Variants in SLIT1 observed in about 807,000 individuals in gnomAD.
SLIT1 encodes the protein slit guidance ligand 1.
A neutral mutation model predicts 186.1 loss-of-function variants in SLIT1; 66 were observed. That is an observed-to-expected ratio of 0.35 (90% CI 0.29 to 0.44). SLIT1 has a LOEUF of 0.44. SLIT1 is among the 20% of genes least tolerant of loss of function. The pLI is 1.00. For missense variants in SLIT1, 1,638 were observed against 2,037.4 expected, an observed-to-expected ratio of 0.80 and a Z score of 3.77; for synonymous variants, 761 against 833.8, an observed-to-expected ratio of 0.91 and a Z score of 1.50.
chr10:97,009,494 A>G (rs1217994661), intron 31 of SLIT1, among the ~76,000 whole-genome samples: 1 of 152,210 alleles, frequency 6.6e-6, no homozygotes, highest in African/African-American at 2.4e-5. Flanking sequence ...AAAATGGATC[A>G]ATGACCTAAA....
intron 23 of SLIT1, among the ~76,000 whole-genome samples, chr10:97,033,562 A>G (rs1380681658): frequency 6.6e-6 from 1 of 152,214 alleles, no homozygotes; most frequent in Non-Finnish European, 1.5e-5. Context: ...CTCCAAAGGA[A>G]CATTACCTAG....
intron 4 of SLIT1, among the ~76,000 whole-genome samples, chr10:97,109,797 C>T (rs1233580073): frequency 3.3e-5 from 5 of 152,118 alleles, no homozygotes; most frequent in East Asian, 3.9e-4. Flanking sequence ...GAAACATCGC[C>T]GACAAACCTC....
At position 97,182,006 on chromosome 10, in the gene SLIT1, T is replaced by C. The variant is rs996358137; in HGVS notation, c.197+3472A>G. Among the ~76,000 whole-genome samples, 5 of 152,128 alleles carry C rather than the reference T, an allele frequency of 3.3e-5. No individual in the cohort carries two copies. The South Asian group carries it at 8.3e-4, about 25-fold the overall frequency. On this transcript the variant is annotated intron_variant, in intron 1 of 36. Coordinates refer to ENST00000266058, the MANE Select transcript of SLIT1 (RefSeq NM_003061.3). ...TAACTTAATGGTGACCATGGCTGGG[T>C]CTCTCTGCGCCTGGGCAGTACAAAG...
chr10:97,159,707 C>T (rs1850000879), intron 3 of SLIT1, among the ~76,000 whole-genome samples: 1 of 152,190 alleles, frequency 6.6e-6, no homozygotes, highest in African/African-American at 2.4e-5. Context: ...TACTATGTGC[C>T]AGGCATGGGG....
intron 4 of SLIT1, among the ~76,000 whole-genome samples, chr10:97,118,221 G>C (rs951340667): frequency 2.0e-5 from 3 of 152,166 alleles, no homozygotes; most frequent in African/African-American, 7.2e-5. Flanking sequence ...TTTTGCTGAT[G>C]GGGAAATTGA....
intron 23 of SLIT1, among the ~76,000 whole-genome samples, chr10:97,033,931 C>T (rs900575381): frequency 6.8e-6 from 1 of 146,184 alleles, no homozygotes; most frequent in African/African-American, 2.6e-5. Flanking sequence ...ATGGCACGAT[C>T]TTGGCTCACT....
At chr10:97,089,494 A>G (rs776859219) in intron 4 of SLIT1, among the ~76,000 whole-genome samples, 3 of 152,146 alleles carry the variant, frequency 2.0e-5, no homozygotes, top group African/African-American at 7.2e-5. Flanking sequence ...TAATTTGCCC[A>G]TGGCTGGAGG....
chr10:97,176,381 C>T (rs145778283), intron 1 of SLIT1, among the ~76,000 whole-genome samples: 77 of 152,240 alleles, frequency 5.1e-4, no homozygotes, highest in African/African-American at 1.7e-3. Flanking sequence ...CCTTCTCTGG[C>T]CCATTGCCAG....
chr10:97,047,221 G>A (rs940773423), intron 16 of SLIT1, among the ~76,000 whole-genome samples, 156 bp from the exon 17 acceptor site: 3 of 152,208 alleles, frequency 2.0e-5, no homozygotes, highest in African/African-American at 7.2e-5. Context: ...GCTGGGCCTA[G>A]TACTGGGAGA....
chr10:97,117,184 G>A (rs2636788), intron 4 of SLIT1, among the ~76,000 whole-genome samples: 122,244 of 152,104 alleles, frequency 0.8, 49,355 homozygotes, highest in Admixed American at 0.85. Context: ...GACATGAAGA[G>A]AAGTTCCAGG....
intron 1 of SLIT1, 115 bp downstream of exon 1, chr10:97,185,363 G>T: frequency 1.9e-6 from 2 of 1,026,160 alleles, no homozygotes; most frequent in Non-Finnish European, 2.8e-6. Flanking sequence ...CCGTCTGTGG[G>T]CTGCGGAGCC....
intron 4 of SLIT1, among the ~76,000 whole-genome samples, chr10:97,085,214 C>G (rs1223828387): frequency 6.6e-6 from 1 of 151,640 alleles, no homozygotes; most frequent in Non-Finnish European, 1.5e-5. Flanking sequence ...TGAGCCACCA[C>G]GCCCAGCGTT....
chr10:97,091,577 T>G (rs1272216134), intron 4 of SLIT1, among the ~76,000 whole-genome samples: 1 of 152,260 alleles, frequency 6.6e-6, no homozygotes, highest in East Asian at 1.9e-4. Context: ...TGAAACAACT[T>G]TACCATCCTG....
chr10:97,079,142 G>A (rs767116510), intron 4 of SLIT1, among the ~76,000 whole-genome samples: 8 of 152,200 alleles, frequency 5.3e-5, no homozygotes, highest in Non-Finnish European at 1.0e-4. Context: ...ATGGGTAGAG[G>A]AGGGTTAATC....
intron 28 of SLIT1, among the ~76,000 whole-genome samples, chr10:97,015,238 G>T (rs1848445856): frequency 6.6e-6 from 1 of 152,208 alleles, no homozygotes; most frequent in South Asian, 2.1e-4. Context: ...CAGGTAGAAA[G>T]GTGGGCATGC....
intron 1 of SLIT1, among the ~76,000 whole-genome samples, chr10:97,182,859 C>T (rs921952104): frequency 1.1e-4 from 16 of 152,110 alleles, no homozygotes; most frequent in African/African-American, 3.9e-4. Context: ...TTTGCTTATG[C>T]TCACGCCTGT....
At chr10:97,121,222 T>C (rs1261498404) in intron 4 of SLIT1, among the ~76,000 whole-genome samples, 1 of 152,222 alleles carries the variant, frequency 6.6e-6, no homozygotes, top group Non-Finnish European at 1.5e-5. Flanking sequence ...ACCCACATTT[T>C]CACTTTTATG....
intron 27 of SLIT1, 148 bp from the exon 28 acceptor site, chr10:97,018,831 T>C (rs1243541661): frequency 3.1e-6 from 2 of 637,434 alleles, no homozygotes; most frequent in Non-Finnish European, 5.6e-6. Context: ...ATTCATTCAT[T>C]CATTCATTCA....
chr10:97,078,727 G>A (rs1218578561), intron 4 of SLIT1, among the ~76,000 whole-genome samples: 1 of 152,364 alleles, frequency 6.6e-6, no homozygotes, highest in Non-Finnish European at 1.5e-5. Context: ...ACAGCAGCAG[G>A]CAACGAGGGT....
Sources: allele counts gnomAD v4.1 joint callset (sites outside exome capture counted in the v4.1 genomes callset), GRCh38; gene constraint gnomAD v4.1.1; transcripts MANE v1.5; gene names NCBI Gene and HGNC (gene_info 2026-07-23, HGNC 2026-07-21).